The following PDE4D variants were observed in gnomAD, a reference collection of about 807,000 sequenced individuals.
The protein encoded by PDE4D is 3',5'-cyclic-AMP phosphodiesterase 4D.
A neutral mutation model predicts 87.4 loss-of-function variants in PDE4D; 24 were observed. The observed-to-expected ratio is 0.27, with a 90% CI of 0.20 to 0.39. The LOEUF (loss-of-function observed/expected upper bound fraction) is 0.39. Among genes scored for constraint, PDE4D ranks in the 10% least tolerant of loss-of-function variants. The pLI is 1.00. For missense variants in PDE4D, 714 were observed against 1,041.0 expected, an observed-to-expected ratio of 0.69 and a Z score of 4.32; for synonymous variants, 384 against 383.2, an observed-to-expected ratio of 1.00 and a Z score of -0.02.
chr5:60,030,316 G>A (rs1317131144), intron 2 of PDE4D, among the ~76,000 whole-genome samples: 1 of 152,100 alleles, frequency 6.6e-6, no homozygotes, highest in Non-Finnish European at 1.5e-5. Flanking sequence ...CGGGCGCGGT[G>A]GCGGGCACCT....
At chr5:59,283,311 T>C (rs1299947843) in intron 1 of PDE4D, among the ~76,000 whole-genome samples, 1 of 152,216 alleles carries the variant, frequency 6.6e-6, no homozygotes, top group African/African-American at 2.4e-5. Context: ...TGTCTTCCTT[T>C]GGATCCTGTC....
chr5:60,156,213 G>A (rs936991863), intron 2 of PDE4D, among the ~76,000 whole-genome samples: 3 of 152,152 alleles, frequency 2.0e-5, no homozygotes, highest in Non-Finnish European at 2.9e-5. Flanking sequence ...CAGGTAGCTC[G>A]GGCCTCGCTA....
chr5:59,306,310 G>A (rs1266773349), intron 1 of PDE4D, among the ~76,000 whole-genome samples: 1 of 152,172 alleles, frequency 6.6e-6, no homozygotes, highest in Non-Finnish European at 1.5e-5. Context: ...CCTGAAGGCA[G>A]CAGATAGTTG....
chr5:59,733,883 T>C (rs1485557230), intron 1 of PDE4D, among the ~76,000 whole-genome samples: 1 of 152,140 alleles, frequency 6.6e-6, no homozygotes, highest in African/African-American at 2.4e-5. Context: ...GAGAGTATTA[T>C]TGACAACCAC....
chr5:60,370,782 C>T (rs944050337), intron 1 of PDE4D, among the ~76,000 whole-genome samples: 25 of 149,546 alleles, frequency 1.7e-4, no homozygotes, highest in South Asian at 4.3e-4. Context: ...TGTGTGCGTG[C>T]GTGCATGCCC....
At chr5:59,847,221 TTCC>T (rs1197019929) in intron 1 of PDE4D, among the ~76,000 whole-genome samples, 2 of 151,992 alleles carry the variant, frequency 1.3e-5, no homozygotes, top group Non-Finnish European at 2.9e-5. Context: ...GGATTTATTC[TTCC>T]TCCTCCTCCT....
At chr5:59,699,194 G>A (rs1286921113) in intron 1 of PDE4D, among the ~76,000 whole-genome samples, 1 of 152,044 alleles carries the variant, frequency 6.6e-6, no homozygotes, top group African/African-American at 2.4e-5. Context: ...ATAGTTCCAT[G>A]GAACACACAG....
chr5:60,007,867 A>T (rs1361652033), intron 2 of PDE4D, among the ~76,000 whole-genome samples: 1 of 151,988 alleles, frequency 6.6e-6, no homozygotes, highest in Non-Finnish European at 1.5e-5. Context: ...AGCTGTAAAC[A>T]AAATTGACAA....
chr5:59,030,912 T>A (rs1205655166), intron 6 of PDE4D, among the ~76,000 whole-genome samples: 1 of 152,134 alleles, frequency 6.6e-6, no homozygotes, highest in Non-Finnish European at 1.5e-5. Flanking sequence ...TAGGTAAACA[T>A]GTGCCATGTT....
At chr5:58,976,616 C>T in intron 12 of PDE4D, 144 bp from the exon 13 acceptor site, 1 of 671,200 alleles carries the variant, frequency 1.5e-6, no homozygotes, top group Non-Finnish European at 2.5e-6. Context: ...TCCTTGGGGG[C>T]AGAGTCTTTT....
At chr5:59,383,004 T>C (rs1786203458) in intron 1 of PDE4D, among the ~76,000 whole-genome samples, 1 of 152,238 alleles carries the variant, frequency 6.6e-6, no homozygotes, top group African/African-American at 2.4e-5. Context: ...CTTAGTGCGG[T>C]ATCTAAAGCA....
chr5:59,732,811 T>C (rs924860792), intron 1 of PDE4D, among the ~76,000 whole-genome samples: 2 of 152,144 alleles, frequency 1.3e-5, no homozygotes, highest in African/African-American at 4.8e-5. Flanking sequence ...TCATTCATTA[T>C]GTAAATATGA....
intron 1 of PDE4D, among the ~76,000 whole-genome samples, chr5:59,695,532 G>T (rs541646473): frequency 6.6e-6 from 1 of 152,112 alleles, no homozygotes; most frequent in Non-Finnish European, 1.5e-5. Context: ...GATGCATATT[G>T]GACCTTGAAG....
intron 1 of PDE4D, among the ~76,000 whole-genome samples, chr5:59,646,509 T>C (rs182834234): frequency 6.6e-6 from 1 of 152,294 alleles, no homozygotes; most frequent in East Asian, 1.9e-4. Context: ...AAATTTAAAA[T>C]ATTATATTCC....
At chr5:59,561,836 G>A (rs1390828590) in intron 1 of PDE4D, among the ~76,000 whole-genome samples, 1 of 152,028 alleles carries the variant, frequency 6.6e-6, no homozygotes, top group Non-Finnish European at 1.5e-5. Flanking sequence ...GGAGGCTGAG[G>A]CCGGAGAATT....
intron 1 of PDE4D, among the ~76,000 whole-genome samples, chr5:60,504,592 G>C (rs773276740): frequency 7.2e-5 from 11 of 152,146 alleles, no homozygotes; most frequent in Non-Finnish European, 1.3e-4. Flanking sequence ...AACCATCTAA[G>C]TGCAGTCGGA....
At chr5:59,739,564 G>T (rs1390168036) in intron 1 of PDE4D, among the ~76,000 whole-genome samples, 1 of 152,086 alleles carries the variant, frequency 6.6e-6, no homozygotes, top group African/African-American at 2.4e-5. Context: ...AGATAAATTA[G>T]ATTTTATCCA....
At chr5:59,758,901 G>A (rs966515795) in intron 1 of PDE4D, among the ~76,000 whole-genome samples, 3 of 152,000 alleles carry the variant, frequency 2.0e-5, no homozygotes, top group African/African-American at 7.2e-5. Context: ...AATGCCAAAT[G>A]CCTTTATAAC....
chr5:60,083,346 T>A (rs183540708), intron 2 of PDE4D, among the ~76,000 whole-genome samples: 4 of 152,304 alleles, frequency 2.6e-5, no homozygotes, highest in African/African-American at 9.6e-5. Flanking sequence ...ACAAGCTATA[T>A]TGAGTAGCAA....
Sources: gnomAD v4.1 joint callset for allele counts (sites outside exome capture counted in the v4.1 genomes callset) on GRCh38, gnomAD v4.1.1 for gene constraint, MANE v1.5 for transcripts, NCBI Gene and HGNC (gene_info 2026-07-23, HGNC 2026-07-21) for gene names.